Variants in DPP10 observed in about 807,000 individuals in gnomAD.
DPP10 encodes the protein inactive dipeptidyl peptidase 10.
A neutral mutation model predicts 120.9 loss-of-function variants in DPP10; 33 were observed. The ratio of observed to expected loss-of-function variants is 0.27; its 90% CI spans 0.21 to 0.37. DPP10 has a LOEUF of 0.37. Ranked by LOEUF, DPP10 falls within the 10% of genes least tolerant of loss-of-function variation. The pLI is 1.00. For synonymous variants in DPP10, 337 were observed against 326.1 expected (o/e 1.03, Z -0.36); for missense variants, 816 against 942.8 (o/e 0.87, Z 1.76).
At chr2:114,452,787 A>G (rs1462332163) in intron 1 of DPP10, among the ~76,000 whole-genome samples, 1 of 152,172 alleles carries the variant, frequency 6.6e-6, no homozygotes, top group Non-Finnish European at 1.5e-5. Context: ...CCCAAATATC[A>G]TGGCCTAGAA....
chr2:114,805,261 TAC>T (rs1370130919), intron 1 of DPP10, among the ~76,000 whole-genome samples: 1 of 152,170 alleles, frequency 6.6e-6, no homozygotes, highest in African/African-American at 2.4e-5. Flanking sequence ...AACAGACTGA[TAC>T]ACAAAGAATG....
At chr2:115,540,236 C>A (rs1470007433) in intron 5 of DPP10, among the ~76,000 whole-genome samples, 1 of 151,900 alleles carries the variant, frequency 6.6e-6, no homozygotes, top group Non-Finnish European at 1.5e-5. Flanking sequence ...TTGAAATAGA[C>A]TGAAGTATTG....
At chr2:114,919,754 G>A (rs1287857624) in intron 1 of DPP10, among the ~76,000 whole-genome samples, 3 of 152,118 alleles carry the variant, frequency 2.0e-5, no homozygotes, top group African/African-American at 7.2e-5. Flanking sequence ...TAGTTGACTG[G>A]CATAACTGAG....
chr2:114,845,557 T>G (rs1688482385), intron 1 of DPP10, among the ~76,000 whole-genome samples: 1 of 152,108 alleles, frequency 6.6e-6, no homozygotes, highest in African/African-American at 2.4e-5. Flanking sequence ...CAGCCTGTGA[T>G]CTAAGCAATT....
chr2:115,001,088 C>T (rs887219155), intron 1 of DPP10, among the ~76,000 whole-genome samples: 2 of 152,334 alleles, frequency 1.3e-5, no homozygotes, highest in East Asian at 1.9e-4. Context: ...CTACCTGTAA[C>T]ACTCTCTATA....
At chr2:115,582,763 C>G (rs1380613698) in intron 5 of DPP10, among the ~76,000 whole-genome samples, 1 of 152,090 alleles carries the variant, frequency 6.6e-6, no homozygotes. Flanking sequence ...AAGTAATAAT[C>G]TCCTTAATTA....
chr2:115,071,117 T>C (rs1055963367), intron 1 of DPP10, among the ~76,000 whole-genome samples: 1 of 152,220 alleles, frequency 6.6e-6, no homozygotes, highest in African/African-American at 2.4e-5. Flanking sequence ...TAAACACTTA[T>C]CTTAGGAATT....
chr2:115,845,279 T>G lies in DPP10; in HGVS notation c.*2934T>G, dbSNP rs1690522920. 1 of 152,236 alleles carries G rather than the reference T, an allele frequency of 6.6e-6. No individual in the cohort carries two copies. Among genetic ancestry groups the G allele is most frequent in the Non-Finnish European group, 1.5e-5 (1 of 68,074 alleles). 9.4% of individuals were successfully genotyped at this position (152,236 alleles called of 1,614,324 possible). On this transcript the variant is annotated 3_prime_UTR_variant, in exon 26 of 26. Coordinates refer to ENST00000410059, the MANE Select transcript of DPP10 (RefSeq NM_020868.6). ...AAGTTCTCTGACCACCTTCACATCC[T>G]GCGGCCACCAACACTGTATGGATAC...
In DPP10 at chr2:114,738,544, GGGAGCACTAGCCTGTGTGA is replaced by G. The variant is rs1478729141; in HGVS notation, c.60+295714_60+295732del. Among the ~76,000 whole-genome samples the G allele has an allele frequency of 3.3e-5, 5 of 152,128 alleles. No homozygotes were observed. The East Asian group carries it at 7.7e-4, about 23-fold the overall frequency. On this transcript the variant is annotated intron_variant, in intron 1 of 25. Coordinates refer to ENST00000410059, the MANE Select transcript of DPP10 (RefSeq NM_020868.6). ...TCAAAGGGGAGCACTAGCCTGTGTG[GGGAGCACTAGCCTGTGTGA>G]GGAGCACCGGCCTGTGTGAGAATCC... is the stretch of plus-strand genomic sequence containing the variant.
intron 1 of DPP10, among the ~76,000 whole-genome samples, chr2:115,015,702 A>C (rs2105126469): frequency 6.6e-6 from 1 of 152,266 alleles, no homozygotes; most frequent in African/African-American, 2.4e-5. Flanking sequence ...CTATACACCA[A>C]TAATAGACAT....
chr2:115,344,167 A>T (rs2063597891), intron 3 of DPP10, among the ~76,000 whole-genome samples: 1 of 150,074 alleles, frequency 6.7e-6, no homozygotes, highest in African/African-American at 2.4e-5. Flanking sequence ...AGATATGTGT[A>T]GTTAATATTT....
chr2:115,782,271 A>G (rs199613946), intron 16 of DPP10, 81 bp from the exon 17 acceptor site: 699 of 532,954 alleles, frequency 1.3e-3, no homozygotes, highest in Non-Finnish European at 1.6e-3. Flanking sequence ...ATTTGGGGGG[A>G]AAAAACTATT....
intron 1 of DPP10, among the ~76,000 whole-genome samples, chr2:115,177,001 A>G (rs996400206): frequency 5.3e-5 from 8 of 152,218 alleles, no homozygotes; most frequent in Admixed American, 1.3e-4. Flanking sequence ...TTTTATGTCT[A>G]TCAAAAATAT....
intron 1 of DPP10, among the ~76,000 whole-genome samples, chr2:115,116,888 C>G (rs10496486): frequency 0.14 from 20,668 of 152,108 alleles, 1,531 homozygotes; most frequent in East Asian, 0.31. Flanking sequence ...AGCTCAAAAC[C>G]TTCATCTTCC....
intron 5 of DPP10, among the ~76,000 whole-genome samples, chr2:115,620,895 C>T (rs72947952): frequency 2.7e-3 from 417 of 152,270 alleles, no homozygotes; most frequent in African/African-American, 9.3e-3. Context: ...AATTGAAATA[C>T]GTGGTCAACG....
chr2:115,769,093 T>C (rs1331984142), intron 13 of DPP10, among the ~76,000 whole-genome samples: 1 of 152,060 alleles, frequency 6.6e-6, no homozygotes, highest in African/African-American at 2.4e-5. Context: ...TGAGTCAATC[T>C]GAATTTAATT....
At chr2:115,761,551 A>G (rs937479596) in intron 11 of DPP10, among the ~76,000 whole-genome samples, 7 of 152,274 alleles carry the variant, frequency 4.6e-5, no homozygotes, top group South Asian at 2.1e-4. Context: ...ACTTGGTGGT[A>G]CTAACAAGCA....
intron 1 of DPP10, among the ~76,000 whole-genome samples, chr2:115,100,043 A>G (rs1055692810): frequency 6.6e-6 from 1 of 152,220 alleles, no homozygotes; most frequent in African/African-American, 2.4e-5. Flanking sequence ...ATGCCACTCA[A>G]GATGAATTTC....
intron 1 of DPP10, among the ~76,000 whole-genome samples, chr2:115,075,804 G>A (rs1707740976): frequency 6.6e-6 from 1 of 151,556 alleles, no homozygotes; most frequent in Admixed American, 6.6e-5. Flanking sequence ...CTTTGTTTGA[G>A]TAGTTGAATC....
Sources: gnomAD v4.1 joint callset for allele counts (sites outside exome capture counted in the v4.1 genomes callset) on GRCh38, gnomAD v4.1.1 for gene constraint, MANE v1.5 for transcripts, NCBI Gene and HGNC (gene_info 2026-07-23, HGNC 2026-07-21) for gene names.